Variants in AHNAK observed in about 807,000 individuals in gnomAD.
AHNAK encodes the protein neuroblast differentiation-associated protein AHNAK.
Under a neutral mutation model 37.8 loss-of-function variants are expected in AHNAK, and 23 were observed. That is an observed-to-expected ratio of 0.61 (90% CI 0.44 to 0.86). The LOEUF (loss-of-function observed/expected upper bound fraction) is 0.86, where lower values mean the gene tolerates loss of function less well. AHNAK is among the 40% of genes least tolerant of loss of function. The pLI is 0.00. For missense variants in AHNAK, 7,411 were observed against 7,319.4 expected, an observed-to-expected ratio of 1.01 and a Z score of -0.46; for synonymous variants, 2,481 against 2,636.3, an observed-to-expected ratio of 0.94 and a Z score of 1.80.
At chr11:62,473,510 C>T (rs924132396) in intron 5 of AHNAK, among the ~76,000 whole-genome samples, 8 of 151,764 alleles carry the variant, frequency 5.3e-5, no homozygotes, top group African/African-American at 1.7e-4. Context: ...GGTGAAACCC[C>T]GTCTCTCCTA....
Position 62,524,637 on chromosome 11 carries a change from T to C in AHNAK, c.9780A>G (p.Ile3260Met). The C allele has an allele frequency of 6.2e-7, 1 of 1,614,238 alleles. No individual in the cohort carries two copies. The highest frequency in any genetic ancestry group is 8.5e-7 in the Non-Finnish European group (1 of 1,180,048). Residue 3260 changes from isoleucine (I) to methionine (M), a missense_variant, in exon 5 of 5, where the codon ATA becomes ATG. Physicochemically the swap from Ile to Met is conservative, Grantham distance 10. Transcript: ENST00000378024. ...TGTCAATATCTGGAGCATCTACATC[T>C]ATCTTTGGGCCTTTTATGTCAAGAG... ...GPALDIKGPK[I>M]DVDAPDIDIH...
chr11:62,461,433 T>A (rs1021894119), intron 5 of AHNAK, among the ~76,000 whole-genome samples: 2 of 151,868 alleles, frequency 1.3e-5, no homozygotes, highest in African/African-American at 4.8e-5. Flanking sequence ...CGTGAGCCAC[T>A]GCGCCCGGCC....
At chr11:62,444,836 A>G (rs1938392056) in intron 5 of AHNAK, among the ~76,000 whole-genome samples, 1 of 152,014 alleles carries the variant, frequency 6.6e-6, no homozygotes, top group Non-Finnish European at 1.5e-5. Flanking sequence ...GAGCCTTCCC[A>G]TGAGGGAGAA....
chr11:62,500,939 C>CT (rs1939700960), intron 4 of AHNAK, among the ~76,000 whole-genome samples: 1 of 152,122 alleles, frequency 6.6e-6, no homozygotes, highest in Admixed American at 6.6e-5. Flanking sequence ...ACAATTCTGG[C>CT]CAGGCACAGT....
rs747170874 is a variant in AHNAK at position 62,518,118 on chromosome 11, C to A, written c.16299G>T (p.Leu5433=). Residue 5433 remains leucine (L), a synonymous_variant, in exon 5 of 5, where the codon CTG becomes CTT. Coordinates refer to ENST00000378024, the MANE Select transcript of AHNAK (RefSeq NM_001620.3). ...GGTTCACATCCACACCTGGCCCCTTCAGTTCGCCAGAAACCTGTGGCCCCT... is the reference window on the plus strand; with the variant it reads ...GGTTCACATCCACACCTGGCCCCTTAAGTTCGCCAGAAACCTGTGGCCCCT... ...NAKGPQVSGE[L]KGPGVDVNLK... 6 of 1,614,054 alleles carry A rather than the reference C, an allele frequency of 3.7e-6. No homozygotes were observed. In the Admixed American group the frequency reaches 5.0e-5, roughly 13 times the overall value.
chr11:62,515,880 C>A, downstream of AHNAK: 1 of 1,113,332 alleles, frequency 9.0e-7, no homozygotes, highest in Non-Finnish European at 1.1e-6. Flanking sequence ...CCCCGCAACA[C>A]AGAATGCAAA....
chr11:62,470,495 A>G (rs1939012941), intron 5 of AHNAK, among the ~76,000 whole-genome samples: 1 of 151,894 alleles, frequency 6.6e-6, no homozygotes, highest in Non-Finnish European at 1.5e-5. Context: ...AGTCCTAGCT[A>G]CTCGGGAGGC....
At chr11:62,502,543 G>A (rs772810943) in intron 4 of AHNAK, among the ~76,000 whole-genome samples, 1 of 152,176 alleles carries the variant, frequency 6.6e-6, no homozygotes, top group South Asian at 2.1e-4. Flanking sequence ...GTGCCTGGCC[G>A]TGTGCTGGAG....
intron 4 of AHNAK, among the ~76,000 whole-genome samples, chr11:62,506,600 G>T (rs879629029): frequency 9.2e-5 from 14 of 152,302 alleles, no homozygotes; most frequent in Admixed American, 7.8e-4. Flanking sequence ...AGAGGGTTGT[G>T]CCTGGCCTGC....
At chr11:62,500,847 G>A (rs954797060) in intron 4 of AHNAK, among the ~76,000 whole-genome samples, 3 of 152,206 alleles carry the variant, frequency 2.0e-5, no homozygotes, top group African/African-American at 7.2e-5. Flanking sequence ...GCGTTGAGCT[G>A]GGAATGCTCA....
intron 4 of AHNAK, among the ~76,000 whole-genome samples, chr11:62,492,239 G>A (rs1014180639): frequency 2.0e-5 from 3 of 152,218 alleles, no homozygotes; most frequent in Admixed American, 2.0e-4. Context: ...TGGGACCACA[G>A]CACTCATCGG....
At chr11:62,514,202 A>G (rs533756171), downstream of AHNAK, among the ~76,000 whole-genome samples, 13 of 152,152 alleles carry the variant, frequency 8.5e-5, no homozygotes, top group South Asian at 2.7e-3. Context: ...AGTGCACCCC[A>G]CTGTCGCACA....
chr11:62,540,653 T>C (rs1049340356), intron 1 of AHNAK, among the ~76,000 whole-genome samples: 1 of 151,996 alleles, frequency 6.6e-6, no homozygotes, highest in African/African-American at 2.4e-5. Flanking sequence ...CTATAAAAAA[T>C]AAAAATGTAT....
chr11:62,510,794 CAGAGAG>C (rs1192759288), intron 4 of AHNAK, among the ~76,000 whole-genome samples: 1 of 150,786 alleles, frequency 6.6e-6, no homozygotes, highest in African/African-American at 2.5e-5. Flanking sequence ...TGTAGAGAGA[CAGAGAG>C]AGATTAAAGC....
intron 5 of AHNAK, among the ~76,000 whole-genome samples, chr11:62,470,587 C>G (rs1162787044): frequency 2.0e-5 from 3 of 152,102 alleles, no homozygotes; most frequent in Non-Finnish European, 2.9e-5. Context: ...GCCTGGGCGA[C>G]AGTGAGAGAC....
At position 62,520,382 on chromosome 11, in the gene AHNAK, C is replaced by A. The variant is rs770398026; in HGVS notation, c.14035G>T (p.Ala4679Ser). The part of the protein sequence containing the change: ...GPDVDVNLPK[A>S]DIDVSGPKVD... The stretch of plus-strand genomic sequence containing the variant: ...TTGGGTCCTGAGACATCAATGTCAG[C>A]CTTGGGCAGGTTCACATCCACATCT... Residue 4679 changes from alanine to serine, a missense_variant, in exon 5 of 5, where the codon GCT becomes TCT. Coordinates refer to ENST00000378024, the MANE Select transcript of AHNAK (RefSeq NM_001620.3). 104 of 1,613,272 alleles carry A rather than the reference C, an allele frequency of 6.4e-5. No individual in the cohort carries two copies. Among genetic ancestry groups the A allele is most frequent in the African/African-American group, 9.4e-5 (7 of 74,638 alleles).
Position 62,522,517 on chromosome 11 carries a change from T to C in AHNAK, c.11900A>G (p.Lys3967Arg), listed in dbSNP as rs756709345. The change falls in exon 5 of 5, where the codon AAG becomes AGG. Residue 3967 changes from lysine to arginine, a missense_variant. By Grantham distance (26) the Lys-to-Arg change is conservative. Coordinates refer to ENST00000378024, the MANE Select transcript of AHNAK (RefSeq NM_001620.3). ...PKADLDVSGP[K>R]VDVDVPDVNI... Reference sequence around the variant, plus strand: ...CACATCTGGAACATCAACGTCCACCTTGGGTCCTGAGACGTCAAGGTCAGC... The same window carrying C: ...CACATCTGGAACATCAACGTCCACCCTGGGTCCTGAGACGTCAAGGTCAGC... 6.2e-6 allele frequency: 10 copies of C among 1,613,844 alleles called. No homozygotes were observed. The highest frequency in any genetic ancestry group is 5.9e-6 in the Non-Finnish European group (7 of 1,180,018).
intron 4 of AHNAK, among the ~76,000 whole-genome samples, chr11:62,501,892 C>T (rs1261601671): frequency 6.6e-6 from 1 of 152,194 alleles, no homozygotes; most frequent in African/African-American, 2.4e-5. Context: ...CCCTCCACAT[C>T]CCAGCCAGGC....
chr11:62,502,466 T>C (rs974725027), intron 4 of AHNAK, among the ~76,000 whole-genome samples: 6 of 152,190 alleles, frequency 3.9e-5, no homozygotes, highest in Non-Finnish European at 7.3e-5. Flanking sequence ...CACCAGTCGC[T>C]GAGGGGAAGT....
Sources: allele counts gnomAD v4.1 joint callset (sites outside exome capture counted in the v4.1 genomes callset), GRCh38; gene constraint gnomAD v4.1.1; transcripts MANE v1.5; gene names NCBI Gene and HGNC (gene_info 2026-07-23, HGNC 2026-07-21).